The following TBC1D2B variants were observed in gnomAD, a reference collection of about 807,000 sequenced individuals.
TBC1D2B encodes TBC1 domain family member 2B.
A neutral mutation model predicts 100.8 loss-of-function variants in TBC1D2B; 64 were observed. That is an observed-to-expected ratio of 0.64 (90% confidence interval 0.52 to 0.78). The LOEUF is 0.78. Ranked by LOEUF, TBC1D2B falls within the 30% of genes least tolerant of loss-of-function variation. The pLI is 0.00. For synonymous variants in TBC1D2B, 480 were observed against 479.7 expected (o/e 1.00, Z -0.01); for missense variants, 1,052 against 1,218.4 (o/e 0.86, Z 2.03).
At chr15:78,075,508 T>TA (rs931255674) in intron 1 of TBC1D2B, among the ~76,000 whole-genome samples, 10 of 152,206 alleles carry the variant, frequency 6.6e-5, no homozygotes, top group Admixed American at 2.0e-4. Flanking sequence ...AAAAAACTGA[T>TA]AGAGTTCTAC....
At position 78,045,086 on chromosome 15, in the gene TBC1D2B, C is replaced by CAA; in HGVS notation, c.515-20_515-19dup. On this transcript the variant is annotated intron_variant, in intron 2 of 12. Coordinates refer to ENST00000300584, the MANE Select transcript of TBC1D2B (RefSeq NM_144572.2). ...AATTAAATCTGAAAAAAAAGGTAAA[C>CAA]AAATGTCAGTTACTCAAAGCTTCCA... is the stretch of plus-strand genomic sequence containing the variant. 6.3e-7 allele frequency: 1 copy of CAA among 1,588,420 alleles called. No individual in the cohort carries two copies. Among genetic ancestry groups the CAA allele is most frequent in the Non-Finnish European group, 8.6e-7 (1 of 1,164,816 alleles).
chr15:78,039,146 T>A (rs979032734), intron 3 of TBC1D2B, among the ~76,000 whole-genome samples: 2 of 152,240 alleles, frequency 1.3e-5, no homozygotes, highest in African/African-American at 4.8e-5. Flanking sequence ...GGTGACTACA[T>A]GCCTTGTCTT....
chr15:78,043,258 A>G (rs1294977516), intron 3 of TBC1D2B, among the ~76,000 whole-genome samples: 1 of 152,202 alleles, frequency 6.6e-6, no homozygotes, highest in Non-Finnish European at 1.5e-5. Flanking sequence ...AGAACACCCC[A>G]GCCCCATCCT....
chr15:78,004,627 A>T (rs1482830185), intron 10 of TBC1D2B, among the ~76,000 whole-genome samples: 1 of 152,240 alleles, frequency 6.6e-6, no homozygotes, highest in African/African-American at 2.4e-5. Context: ...ACAATACTTA[A>T]TCTCACACAG....
intron 1 of TBC1D2B, among the ~76,000 whole-genome samples, chr15:78,061,729 T>TTTAA (rs2073550306): frequency 6.6e-6 from 1 of 151,322 alleles, no homozygotes. Context: ...AACTAATGAA[T>TTTAA]TTAATAAAAA....
At chr15:78,019,531 G>A (rs1010256165) in intron 6 of TBC1D2B, among the ~76,000 whole-genome samples, 12 of 151,776 alleles carry the variant, frequency 7.9e-5, no homozygotes, top group Admixed American at 4.6e-4. Flanking sequence ...GTTGAATGTT[G>A]GACTTCCTTT....
At chr15:77,999,473 C>G (rs1329236400) in intron 12 of TBC1D2B, 5 of 310,142 alleles carry the variant, frequency 1.6e-5, no homozygotes, top group African/African-American at 8.8e-5. Flanking sequence ...AGTGTGTGTT[C>G]TGGAACACGG....
At chr15:78,068,166 T>G (rs577671440) in intron 1 of TBC1D2B, among the ~76,000 whole-genome samples, 1 of 152,230 alleles carries the variant, frequency 6.6e-6, no homozygotes, top group South Asian at 2.1e-4. Context: ...TCTTCAATGT[T>G]TTTTTCAAAA....
chr15:78,047,163 C>CTTT (rs540479850), intron 2 of TBC1D2B, among the ~76,000 whole-genome samples: 1 of 136,928 alleles, frequency 7.3e-6, no homozygotes, highest in Non-Finnish European at 1.6e-5. Flanking sequence ...AGAGTATACA[C>CTTT]TTTTTTTTTT....
intron 1 of TBC1D2B, among the ~76,000 whole-genome samples, chr15:78,054,637 C>A (rs372277127): frequency 1.1e-4 from 17 of 152,144 alleles, no homozygotes; most frequent in Non-Finnish European, 2.4e-4. Flanking sequence ...AGATTAAAAA[C>A]GAGCTGGCAC....
intron 10 of TBC1D2B, 108 bp from the exon 11 acceptor site, chr15:78,003,598 C>G: frequency 1.3e-6 from 1 of 765,274 alleles, no homozygotes; most frequent in Middle Eastern, 3.4e-4. Context: ...CAAGTGACAG[C>G]AGCACAACTG....
chr15:78,003,559 G>A (rs1402896012), intron 10 of TBC1D2B, 69 bp from the exon 11 acceptor site: 4 of 1,262,680 alleles, frequency 3.2e-6, no homozygotes, highest in South Asian at 1.3e-5. Context: ...ACGAGCAGAC[G>A]CGCAACCTGA....
intron 3 of TBC1D2B, among the ~76,000 whole-genome samples, chr15:78,037,641 A>AG (rs1028044432): frequency 9.7e-6 from 1 of 103,152 alleles, no homozygotes; most frequent in Non-Finnish European, 2.0e-5. Flanking sequence ...GCAGGGTGGG[A>AG]GGGAGGGCCA....
intron 7 of TBC1D2B, 151 bp downstream of exon 7, chr15:78,017,696 A>T (rs1195846731): frequency 1.1e-5 from 6 of 527,986 alleles, no homozygotes; most frequent in Non-Finnish European, 2.0e-5. Context: ...ATACAGCTCT[A>T]TGTATTATAT....
At chr15:78,048,808 T>TC (rs1395989415) in intron 2 of TBC1D2B, among the ~76,000 whole-genome samples, 1 of 152,176 alleles carries the variant, frequency 6.6e-6, no homozygotes, top group Non-Finnish European at 1.5e-5. Context: ...CAGTGAGTCT[T>TC]CCCTCTCCTC....
intron 1 of TBC1D2B, 101 bp from the exon 2 acceptor site, chr15:78,054,288 G>C: frequency 1.7e-6 from 2 of 1,210,182 alleles, no homozygotes; most frequent in South Asian, 1.8e-5. Flanking sequence ...TGCCATGTGA[G>C]AGTTAAGATG....
chr15:78,016,290 A>T (rs371004747), intron 8 of TBC1D2B, among the ~76,000 whole-genome samples: 1 of 152,264 alleles, frequency 6.6e-6, no homozygotes, highest in East Asian at 1.9e-4. Flanking sequence ...GAAGTAAGGA[A>T]GGATCAGAAG....
At chr15:78,040,130 G>A (rs2073041129) in intron 3 of TBC1D2B, among the ~76,000 whole-genome samples, 1 of 152,208 alleles carries the variant, frequency 6.6e-6, no homozygotes, top group Non-Finnish European at 1.5e-5. Context: ...CGTGTGCTCA[G>A]GCATGCGCTT....
rs2072392753 is a variant in TBC1D2B, at chr15:78,016,949, G to A, written c.1582-210C>T. On this transcript the variant is annotated intron_variant, in intron 7 of 12. Transcript: ENST00000300584. ...GTGGGTTCCTCTCTTCCTTATAGAA[G>A]GAGTGCTGATAATCAGACCTCTGGA... The A allele has an allele frequency of 1.0e-5, 5 of 497,244 alleles. No individual in the cohort carries two copies. The South Asian group carries it at 1.1e-4, about 11-fold the overall frequency. The allele number at this position is 497,244 out of a possible 1,614,324, so 30.8% of individuals were successfully genotyped here.
Sources: gnomAD v4.1 joint callset for allele counts (sites outside exome capture counted in the v4.1 genomes callset) on GRCh38, gnomAD v4.1.1 for gene constraint, MANE v1.5 for transcripts, NCBI Gene and HGNC (gene_info 2026-07-23, HGNC 2026-07-21) for gene names.